Variants in TSPAN8 observed in about 807,000 individuals in gnomAD.
The protein encoded by TSPAN8 is tetraspanin-8.
A neutral mutation model predicts 32.8 loss-of-function variants in TSPAN8; 21 were observed. The observed-to-expected ratio is 0.64, with a 90% confidence interval of 0.45 to 0.92. TSPAN8 has a LOEUF of 0.92. Among genes scored for constraint, TSPAN8 ranks in the 40% least tolerant of loss-of-function variants. The pLI is 0.00. For synonymous variants in TSPAN8, 95 were observed against 94.6 expected (o/e 1.00, Z -0.03); for missense variants, 269 against 281.9 (o/e 0.95, Z 0.33).
intron 2 of TSPAN8, among the ~76,000 whole-genome samples, chr12:71,156,278 A>AAAT: frequency 6.8e-6 from 1 of 147,858 alleles, no homozygotes; most frequent in African/African-American, 2.5e-5. Context: ...ACAAACAAAA[A>AAAT]AAAAACTAGA....
chr12:71,156,815 G>T (rs1189007177), intron 2 of TSPAN8: 1 of 152,114 alleles, frequency 6.6e-6, no homozygotes, highest in Non-Finnish European at 1.5e-5. Context: ...TCCACTGATT[G>T]ACATTTAAAC....
At chr12:71,141,624 G>C (rs906766832) in intron 3 of TSPAN8, among the ~76,000 whole-genome samples, 2 of 152,174 alleles carry the variant, frequency 1.3e-5, no homozygotes, top group Non-Finnish European at 2.9e-5. Flanking sequence ...GGCTAACCTG[G>C]GCAGGGTGAC....
At position 71,157,474 on chromosome 12, in the gene TSPAN8, GAACA is replaced by G. The variant is rs1294585539; in HGVS notation, c.60+141_60+144del. 6.9e-6 allele frequency: 4 copies of G among 582,902 alleles called. No homozygotes were observed. In the African/African-American group the frequency reaches 7.4e-5, roughly 11 times the overall value. The allele number at this position is 582,902 out of a possible 1,614,324, so 36.1% of individuals were successfully genotyped here. A position where few individuals can be genotyped will look rare whatever the true frequency, so the allele number is the denominator to read the frequency against. On this transcript the variant is annotated intron_variant, in intron 2 of 8. Coordinates refer to ENST00000247829, the MANE Select transcript of TSPAN8 (RefSeq NM_004616.3). Reference sequence around the variant, plus strand: ...TCAATTACTGAAATAACCAAAGAAAGAACAAACAAATCCAAACAAGTACATGGAA... The same window carrying G: ...TCAATTACTGAAATAACCAAAGAAAGAACAAATCCAAACAAGTACATGGAA...
intron 2 of TSPAN8, 173 bp downstream of exon 2, chr12:71,157,446 T>A (rs1239528969): frequency 1.9e-6 from 1 of 533,306 alleles, no homozygotes. Context: ...CCTTGGCTCA[T>A]TTTCAATTAC....
intron 3 of TSPAN8, among the ~76,000 whole-genome samples, chr12:71,140,612 C>T (rs1871873124): frequency 1.3e-5 from 2 of 152,110 alleles, no homozygotes; most frequent in Admixed American, 1.3e-4. Context: ...AAAAAAAATC[C>T]TAGAGCCCTT....
At chr12:71,126,745 C>G (rs1305413569) in intron 8 of TSPAN8, among the ~76,000 whole-genome samples, 1 of 149,902 alleles carries the variant, frequency 6.7e-6, no homozygotes, top group Middle Eastern at 3.2e-3. Flanking sequence ...AAAGTGATGG[C>G]TCTCAGTGTG....
At chr12:71,148,083 C>T (rs1202599740) in intron 2 of TSPAN8, among the ~76,000 whole-genome samples, 1 of 152,130 alleles carries the variant, frequency 6.6e-6, no homozygotes, top group Non-Finnish European at 1.5e-5. Flanking sequence ...TTCCAAATAT[C>T]CTTCCAATCT....
chr12:71,129,521 C>A, intron 7 of TSPAN8, 107 bp from the exon 8 acceptor site: 1 of 1,195,918 alleles, frequency 8.4e-7, no homozygotes. Context: ...TATCAAGAAA[C>A]ACACTTAACG....
At chr12:71,133,355 G>A (rs1183399844) in intron 6 of TSPAN8, among the ~76,000 whole-genome samples, 3 of 152,140 alleles carry the variant, frequency 2.0e-5, no homozygotes, top group Admixed American at 1.3e-4. Context: ...AAAGTGCTGG[G>A]ATTCCAGGCA....
chr12:71,142,479 G>A (rs1223866657), intron 3 of TSPAN8, among the ~76,000 whole-genome samples: 1 of 152,128 alleles, frequency 6.6e-6, no homozygotes, highest in Non-Finnish European at 1.5e-5. Flanking sequence ...TCTTGAAGAG[G>A]CCACAGCACC....
chr12:71,145,208 G>A (rs548281130), intron 2 of TSPAN8, among the ~76,000 whole-genome samples: 3 of 152,138 alleles, frequency 2.0e-5, no homozygotes, highest in Non-Finnish European at 2.9e-5. Flanking sequence ...AGTTTGCAGG[G>A]GAAATAGAGT....
intron 7 of TSPAN8, among the ~76,000 whole-genome samples, 160 bp from the exon 8 acceptor site, chr12:71,129,574 G>A (rs568911315): frequency 6.6e-6 from 1 of 152,050 alleles, no homozygotes; most frequent in African/African-American, 2.4e-5. Flanking sequence ...CTTCACCTTT[G>A]CTCCAAAAGG....
At chr12:71,147,097 A>C (rs902968419) in intron 2 of TSPAN8, among the ~76,000 whole-genome samples, 2 of 152,112 alleles carry the variant, frequency 1.3e-5, no homozygotes, top group African/African-American at 4.8e-5. Context: ...CAGAACTATA[A>C]GAAAATTAAT....
At chr12:71,126,089 G>T (rs541407001) in intron 8 of TSPAN8, among the ~76,000 whole-genome samples, 2 of 152,210 alleles carry the variant, frequency 1.3e-5, no homozygotes, top group African/African-American at 4.8e-5. Flanking sequence ...ATGATAGACA[G>T]GACCTGTGTG....
intron 6 of TSPAN8, among the ~76,000 whole-genome samples, chr12:71,135,732 C>T (rs1592402020): frequency 6.6e-6 from 1 of 152,116 alleles, no homozygotes; most frequent in East Asian, 1.9e-4. Flanking sequence ...TCCAGGGATA[C>T]GTGCAGCAGA....
rs758452561 is a variant in TSPAN8, at chr12:71,139,813, G to A, written c.159C>T (p.Tyr53=). The change falls in exon 4 of 9, where the codon TAC becomes TAT. Residue 53 remains tyrosine, a synonymous_variant. Coordinates refer to ENST00000247829, the MANE Select transcript of TSPAN8 (RefSeq NM_004616.3). ...CAGCAATCAATATGTCCACAGCAAC[G>A]TAGGAGCTAGAGCCTACATCTTCAG... ...FGSEDVGSSS[Y]VAVDILIAVG... 45 of 1,613,596 alleles carry A rather than the reference G, an allele frequency of 2.8e-5. No homozygotes were observed. The highest frequency in any genetic ancestry group is 1.6e-4 in the Middle Eastern group (1 of 6,078).
chr12:71,152,415 A>G (rs1357071600), intron 2 of TSPAN8, among the ~76,000 whole-genome samples: 1 of 152,232 alleles, frequency 6.6e-6, no homozygotes, highest in East Asian at 1.9e-4. Flanking sequence ...TCATAAAAAC[A>G]CCTATAAAAT....
intron 6 of TSPAN8, among the ~76,000 whole-genome samples, chr12:71,137,579 G>A (rs1031168295): frequency 7.1e-6 from 1 of 140,828 alleles, no homozygotes; most frequent in Non-Finnish European, 1.6e-5. Flanking sequence ...CAGCCTGGGT[G>A]ACAGAGCAAG....
chr12:71,147,060 C>T (rs1340398228), intron 2 of TSPAN8, among the ~76,000 whole-genome samples: 1 of 152,088 alleles, frequency 6.6e-6, no homozygotes, highest in Admixed American at 6.6e-5. Flanking sequence ...AGTTGGCTGG[C>T]ACCTTAATCT....
Sources: gnomAD v4.1 joint callset for allele counts (sites outside exome capture counted in the v4.1 genomes callset) on GRCh38, gnomAD v4.1.1 for gene constraint, MANE v1.5 for transcripts, NCBI Gene and HGNC (gene_info 2026-07-23, HGNC 2026-07-21) for gene names.